Variants in ITGB5 observed in about 807,000 individuals in gnomAD.
ITGB5 encodes integrin subunit beta 5.
Under a neutral mutation model 84.8 loss-of-function variants are expected in ITGB5, and 38 were observed. The observed-to-expected ratio is 0.45, with a 90% confidence interval of 0.35 to 0.59. The LOEUF (loss-of-function observed/expected upper bound fraction) is 0.59, where lower values mean the gene tolerates loss of function less well. Among genes scored for constraint, ITGB5 ranks in the 20% least tolerant of loss-of-function variants. The pLI is 0.01. For synonymous variants in ITGB5, 393 were observed against 414.4 expected (o/e 0.95, Z 0.63); for missense variants, 905 against 1,034.5 (o/e 0.87, Z 1.72).
At chr3:124,777,263 G>A (rs983494366) in intron 10 of ITGB5, among the ~76,000 whole-genome samples, 9 of 152,230 alleles carry the variant, frequency 5.9e-5, no homozygotes, top group Non-Finnish European at 1.3e-4. Flanking sequence ...AGCCCAGCCA[G>A]AAGCTGCCAG....
intron 5 of ITGB5, among the ~76,000 whole-genome samples, chr3:124,826,545 A>G (rs1480648991): frequency 6.6e-6 from 1 of 152,182 alleles, no homozygotes; most frequent in Non-Finnish European, 1.5e-5. Context: ...ATATATTGCA[A>G]TCTCATAGGT....
At chr3:124,828,031 A>C (rs554547294) in intron 5 of ITGB5, among the ~76,000 whole-genome samples, 1 of 148,492 alleles carries the variant, frequency 6.7e-6, no homozygotes, top group East Asian at 2.0e-4. Flanking sequence ...TTTCAGACTC[A>C]GCCTGCCTGC....
At chr3:124,836,370 T>G (rs1432739837) in intron 5 of ITGB5, among the ~76,000 whole-genome samples, 4 of 150,774 alleles carry the variant, frequency 2.7e-5, no homozygotes, top group Admixed American at 2.6e-4. Context: ...ACAAAAAAAT[T>G]AGCTGGGCAA....
chr3:124,839,824 C>G (rs1170744862), intron 5 of ITGB5, among the ~76,000 whole-genome samples: 2 of 152,184 alleles, frequency 1.3e-5, no homozygotes, highest in African/African-American at 4.8e-5. Context: ...CTAAGAGACA[C>G]CAGGGACTTC....
intron 10 of ITGB5, among the ~76,000 whole-genome samples, chr3:124,782,167 T>G (rs564085487): frequency 9.2e-5 from 14 of 152,300 alleles, no homozygotes; most frequent in African/African-American, 3.4e-4. Context: ...CATTCATTAG[T>G]CCTCCCAATA....
intron 8 of ITGB5, among the ~76,000 whole-genome samples, chr3:124,814,115 G>C (rs1407053726): frequency 6.6e-6 from 1 of 152,094 alleles, no homozygotes; most frequent in Non-Finnish European, 1.5e-5. Flanking sequence ...CTTTATATTA[G>C]GAACTAGGGG....
At chr3:124,843,310 C>T (rs2065034686) in intron 4 of ITGB5, among the ~76,000 whole-genome samples, 1 of 152,176 alleles carries the variant, frequency 6.6e-6, no homozygotes. Context: ...CAAGATCCTG[C>T]CCTGGCCTAT....
chr3:124,867,670 T>A (rs1019996244), intron 2 of ITGB5, among the ~76,000 whole-genome samples: 3 of 152,220 alleles, frequency 2.0e-5, no homozygotes, highest in Admixed American at 2.0e-4. Flanking sequence ...TGGCTGGGTT[T>A]TAGGCAACAG....
At chr3:124,821,623 TG>T (rs2064705497) in intron 5 of ITGB5, 149 bp from the exon 6 acceptor site, 1 of 826,778 alleles carries the variant, frequency 1.2e-6, no homozygotes, top group Non-Finnish European at 1.9e-6. Context: ...ACAAAACCAC[TG>T]GGGAGGGATT....
chr3:124,880,995 TTTG>T (rs879641780), intron 1 of ITGB5, among the ~76,000 whole-genome samples: 1,957 of 151,722 alleles, frequency 0.013, 57 homozygotes, highest in African/African-American at 0.043. Flanking sequence ...TGTTTGTTTG[TTTG>T]TTTGTTTGAG....
intron 9 of ITGB5, among the ~76,000 whole-genome samples, chr3:124,800,782 G>A (rs2064303304): frequency 6.6e-6 from 1 of 152,348 alleles, no homozygotes; most frequent in East Asian, 1.9e-4. Flanking sequence ...CAGAAAGGCT[G>A]GAAGGCAGCT....
At chr3:124,777,771 A>C (rs1321579244) in intron 10 of ITGB5, among the ~76,000 whole-genome samples, 6 of 152,212 alleles carry the variant, frequency 3.9e-5, no homozygotes, top group African/African-American at 1.2e-4. Context: ...CTCCTTCAGA[A>C]AGCGTGACCC....
intron 2 of ITGB5, among the ~76,000 whole-genome samples, chr3:124,861,658 T>C (rs972256515): frequency 1.1e-4 from 16 of 151,490 alleles, no homozygotes; most frequent in African/African-American, 3.9e-4. Context: ...GACTCCCTGG[T>C]TCAAGCAATT....
intron 13 of ITGB5, 145 bp from the exon 14 acceptor site, chr3:124,764,702 C>A (rs2063742963): frequency 2.8e-6 from 2 of 707,508 alleles, no homozygotes; most frequent in Non-Finnish European, 4.5e-6. Context: ...GAGGGTTTCC[C>A]CAATGTACAA....
intron 5 of ITGB5, among the ~76,000 whole-genome samples, chr3:124,821,918 ATTG>A (rs2064710967): frequency 1.3e-5 from 2 of 150,340 alleles, no homozygotes; most frequent in African/African-American, 4.8e-5. Flanking sequence ...GATGGTTAAG[ATTG>A]TTAAGTCCCC....
chr3:124,782,024 A>G (rs1579190101), intron 10 of ITGB5, among the ~76,000 whole-genome samples: 1 of 152,214 alleles, frequency 6.6e-6, no homozygotes, highest in African/African-American at 2.4e-5. Flanking sequence ...TTGTACTTCA[A>G]TGTTTACTGC....
At chr3:124,861,939 T>C (rs961289424) in intron 2 of ITGB5, among the ~76,000 whole-genome samples, 3 of 152,112 alleles carry the variant, frequency 2.0e-5, no homozygotes, top group African/African-American at 7.2e-5. Flanking sequence ...GCAGTTCTAG[T>C]GAAGCAGTGA....
intron 10 of ITGB5, among the ~76,000 whole-genome samples, chr3:124,780,043 C>A: frequency 6.6e-6 from 1 of 152,176 alleles, no homozygotes; most frequent in East Asian, 1.9e-4. Context: ...TTCTGCCCTG[C>A]GTGGGGAGCT....
chr3:124,791,363 C>T (rs569934560), intron 10 of ITGB5: 10 of 152,338 alleles, frequency 6.6e-5, no homozygotes, highest in African/African-American at 2.4e-4. Context: ...CAATGTGTCA[C>T]AAAAGTAATA....
Sources: gnomAD v4.1 joint callset for allele counts (sites outside exome capture counted in the v4.1 genomes callset) on GRCh38, gnomAD v4.1.1 for gene constraint, MANE v1.5 for transcripts, NCBI Gene and HGNC (gene_info 2026-07-23, HGNC 2026-07-21) for gene names.